MCM3: variants seen among roughly 807,000 people sequenced by gnomAD.
MCM3 encodes minichromosome maintenance complex component 3.
MCM3 carries 59 observed loss-of-function variants against 91.3 expected under a neutral mutation model. The observed-to-expected ratio is 0.65, with a 90% CI of 0.52 to 0.80. The LOEUF (loss-of-function observed/expected upper bound fraction) is 0.80, where lower values mean the gene tolerates loss of function less well. MCM3 is among the 30% of genes least tolerant of loss of function. MCM3 has a pLI of 0.00. For missense variants in MCM3, 919 were observed against 1,035.4 expected (o/e 0.89, Z 1.54); for synonymous variants, 383 against 379.6 (o/e 1.01, Z -0.10).
At chr6:52,267,122 G>A (rs9474189) in intron 14 of MCM3, among the ~76,000 whole-genome samples, 5,864 of 91,258 alleles carry the variant, frequency 0.064, 424 homozygotes, top group African/African-American at 0.19. Context: ...TGAGACGGAC[G>A]GAGTCTCACT....
At chr6:52,273,698 T>C (rs757498334) in intron 10 of MCM3, 44 bp downstream of exon 10, 163 of 1,564,120 alleles carry the variant, frequency 1.0e-4, no homozygotes, top group Admixed American at 2.5e-4. Flanking sequence ...ACCATCTGTT[T>C]AGCGCCTTTC....
chr6:52,266,806 C>A, intron 14 of MCM3, 110 bp from the exon 15 acceptor site: 1 of 829,572 alleles, frequency 1.2e-6, no homozygotes, highest in Non-Finnish European at 2.1e-6. Flanking sequence ...ACCACTAAGT[C>A]AAAGTGAAGC....
rs1256746660 is a variant in MCM3, at chr6:52,278,773, T to C, written c.848A>G (p.Lys283Arg). The change falls in exon 6 of 17, where the codon AAG becomes AGG. Residue 283 changes from lysine to arginine, a missense_variant. This residue lies in a region of MCM3 where 401 missense variants were observed against 402.7 expected (regional missense o/e 1.00). Coordinates refer to ENST00000596288, the MANE Select transcript of MCM3 (RefSeq NM_002388.6). ...TCGGGTTTTACTGAACTTCTTGATC[T>C]TGGCTATATCCTCAGCAGAGAAAGA... ...QPSFSAEDIA[K>R]IKKFSKTRSK... is the part of the protein sequence containing the mutation. 6.2e-7 allele frequency: 1 copy of C among 1,613,742 alleles called. No individual in the cohort carries two copies. The highest frequency in any genetic ancestry group is 8.5e-7 in the Non-Finnish European group (1 of 1,179,836).
intron 14 of MCM3, among the ~76,000 whole-genome samples, chr6:52,267,467 A>G (rs1764733667): frequency 6.6e-6 from 1 of 151,294 alleles, no homozygotes; most frequent in African/African-American, 2.4e-5. Flanking sequence ...GACATCAATA[A>G]GCAGCGCTGG....
At position 52,272,373 on chromosome 6, in the gene MCM3, C is replaced by T. The variant is rs764209543; in HGVS notation, c.1755G>A (p.Glu585=). Residue 585 remains glutamate (E), a synonymous_variant, in exon 12 of 17, where the codon GAG becomes GAA. Coordinates refer to ENST00000596288, the MANE Select transcript of MCM3 (RefSeq NM_002388.6). ...ACTCTTCTGCAATGTAGGTGGCCGACTCCTGTGTCAGGACAGGCTTGATGA... is the reference window on the plus strand; with the variant it reads ...ACTCTTCTGCAATGTAGGTGGCCGATTCCTGTGTCAGGACAGGCTTGATGA... ...AKIIKPVLTQ[E]SATYIAEEYS... is the part of the protein sequence containing the mutation. 4 of 1,614,182 alleles carry T rather than the reference C, an allele frequency of 2.5e-6. No homozygotes were observed. The highest frequency in any genetic ancestry group is 2.5e-6 in the Non-Finnish European group (3 of 1,180,034).
At position 52,278,789 on chromosome 6, in the gene MCM3, C is replaced by T. The variant is rs775943986; in HGVS notation, c.832G>A (p.Ala278Thr). Residue 278 changes from alanine (A) to threonine (T), a missense_variant, in exon 6 of 17, where the codon GCT becomes ACT. Around this residue, in one of 3 missense-constraint regions of MCM3, gnomAD observed 401 missense variants for 402.7 expected, o/e 1.00. Transcript: ENST00000596288. The stretch of plus-strand genomic sequence containing the variant: ...TTCTTGATCTTGGCTATATCCTCAG[C>T]AGAGAAAGAGGGCTGAGCATCCTTG... The part of the protein sequence containing the change: ...MSKDAQPSFS[A>T]EDIAKIKKFS... 1.1e-5 allele frequency: 17 copies of T among 1,613,892 alleles called. No individual in the cohort carries two copies. Among genetic ancestry groups the T allele is most frequent in the Middle Eastern group, 3.3e-4 (2 of 6,084 alleles).
chr6:52,282,979 C>G lies in MCM3; in HGVS notation c.192-118G>C, dbSNP rs1006540477. ...AATGAGAAAATCCAGCTTCTGCTTT[C>G]TCCTATAAGTCTCAGTAAAACACCA... On this transcript the variant is annotated intron_variant, in intron 2 of 16. Coordinates refer to ENST00000596288, the MANE Select transcript of MCM3 (RefSeq NM_002388.6). The G allele has an allele frequency of 5.4e-6, 4 of 746,782 alleles. No homozygotes were observed. In the African/African-American group the frequency reaches 7.1e-5, roughly 13 times the overall value. 46.3% of individuals were successfully genotyped at this position (746,782 alleles called of 1,614,324 possible). A position where few individuals can be genotyped will look rare whatever the true frequency, so the allele number is the denominator to read the frequency against.
Position 52,277,045 on chromosome 6 carries a change from C to T in MCM3, c.1165+22G>A, listed in dbSNP as rs767673711. ...GCTCAGGCTCTCTGCTGGGCCTTTG[C>T]CAAGGACCCTTACACCCTTACCTGT... On this transcript the variant is annotated intron_variant, in intron 8 of 16. Coordinates refer to ENST00000596288, the MANE Select transcript of MCM3 (RefSeq NM_002388.6). The T allele has an allele frequency of 3.7e-6, 6 of 1,605,520 alleles. No homozygotes were observed. In the Admixed American group the frequency reaches 8.4e-5, roughly 22 times the overall value.
intron 12 of MCM3, among the ~76,000 whole-genome samples, chr6:52,270,346 G>GAA (rs77109652): frequency 7.5e-6 from 1 of 133,554 alleles, no homozygotes; most frequent in African/African-American, 2.8e-5. Flanking sequence ...AAAAAAAAAA[G>GAA]AAAAAAAAAG....
At position 52,284,702 on chromosome 6, in the gene MCM3, A is replaced by G. The variant is rs772406349; in HGVS notation, c.-28T>C. ...CCGCTGCCAAAGAACTACCTCCACC[A>G]AAGTCGCGTGGAGGTTCCCAGGATG... On this transcript the variant is annotated 5_prime_UTR_variant, in exon 1 of 17. Coordinates refer to ENST00000596288, the MANE Select transcript of MCM3 (RefSeq NM_002388.6). 1 of 1,595,516 alleles carries G rather than the reference A, an allele frequency of 6.3e-7. No homozygotes were observed. The highest frequency in any genetic ancestry group is 8.5e-7 in the Non-Finnish European group (1 of 1,172,416).
chr6:52,276,131 C>CA, intron 9 of MCM3, 137 bp downstream of exon 9: 1 of 746,910 alleles, frequency 1.3e-6, no homozygotes, highest in Non-Finnish European at 2.2e-6. Flanking sequence ...AAACAAAGGA[C>CA]AATAACAAGA....
chr6:52,281,510 T>C lies in MCM3; in HGVS notation c.531+535A>G, dbSNP rs374079966. Among the ~76,000 whole-genome samples, 4 of 151,706 alleles carry C rather than the reference T, an allele frequency of 2.6e-5. No individual in the cohort carries two copies. In the East Asian group the frequency reaches 5.8e-4, roughly 22 times the overall value. ...GGGCAACATAGCGAGACCCTGTCTC[T>C]AGAAAAAAGTGAAAAAAAAAATTAG... On this transcript the variant is annotated intron_variant, in intron 4 of 16. Transcript: ENST00000596288.
intron 11 of MCM3, 133 bp from the exon 12 acceptor site, chr6:52,272,584 G>C: frequency 1.3e-6 from 1 of 790,382 alleles, no homozygotes; most frequent in Non-Finnish European, 2.0e-6. Flanking sequence ...CATTTATATG[G>C]AACATAGACA....
Position 52,281,608 on chromosome 6 carries a change from A to G in MCM3, c.531+437T>C, listed in dbSNP as rs115323228. Among the ~76,000 whole-genome samples the G allele has an allele frequency of 6.8e-3, 1,034 of 152,196 alleles. 14 individuals are homozygous for G. The highest frequency in any genetic ancestry group is 0.023 in the African/African-American group (954 of 41,530). ...GGTGAGAAGATTCGTTGAGTCCAGG[A>G]GTTTCAGGCTGCAGTGTTCTATAAT... is the stretch of plus-strand genomic sequence containing the variant. On this transcript the variant is annotated intron_variant, in intron 4 of 16. Coordinates refer to ENST00000596288, the MANE Select transcript of MCM3 (RefSeq NM_002388.6).
chr6:52,273,107 G>C, intron 11 of MCM3, 123 bp downstream of exon 11: 2 of 1,126,688 alleles, frequency 1.8e-6, no homozygotes, highest in Non-Finnish European at 1.3e-6. Context: ...AATCCACGTG[G>C]TTATGACTCC....
intron 13 of MCM3, 83 bp downstream of exon 13, chr6:52,269,003 C>CCAT (rs1764869338): frequency 1.4e-6 from 2 of 1,426,756 alleles, no homozygotes; most frequent in African/African-American, 2.8e-5. Flanking sequence ...CAAATGTAGC[C>CCAT]GTCAGCCACG....
chr6:52,282,788 C>T lies in MCM3; in HGVS notation c.265G>A (p.Ala89Thr). 1 of 1,614,114 alleles carries T rather than the reference C, an allele frequency of 6.2e-7. No individual in the cohort carries two copies. Among genetic ancestry groups the T allele is most frequent in the Non-Finnish European group, 8.5e-7 (1 of 1,180,034 alleles). Reference sequence around the variant, plus strand: ...TCCTCATACTGCTTGGCATAGGTAGCATCAATGGAGGCCACAAAATCCTTT... The same window carrying T: ...TCCTCATACTGCTTGGCATAGGTAGTATCAATGGAGGCCACAAAATCCTTT... ...ALKDFVASID[A>T]TYAKQYEEFY... is the part of the protein sequence containing the mutation. The change falls in exon 3 of 17, where the codon GCT (alanine) becomes ACT (threonine). Residue 89 changes from alanine to threonine, a missense_variant. Ala to Thr is a moderately conservative substitution (Grantham distance 58, BLOSUM62 0). Coordinates refer to ENST00000596288, the MANE Select transcript of MCM3 (RefSeq NM_002388.6).
chr6:52,281,522 A>G (rs1009364654), intron 4 of MCM3, among the ~76,000 whole-genome samples: 61 of 150,016 alleles, frequency 4.1e-4, no homozygotes, highest in African/African-American at 1.5e-3. Context: ...GAAAAAAGTG[A>G]AAAAAAAAAT....
intron 10 of MCM3, 146 bp from the exon 11 acceptor site, chr6:52,273,502 A>G (rs1423766290): frequency 1.1e-6 from 1 of 871,226 alleles, no homozygotes; most frequent in Non-Finnish European, 1.7e-6. Flanking sequence ...CCACAAATAA[A>G]GATAGTGGAA....
Sources: gnomAD v4.1 joint callset for allele counts (sites outside exome capture counted in the v4.1 genomes callset) on GRCh38, gnomAD v4.1.1 for gene constraint, gnomAD v4.1.1 regional missense constraint, MANE v1.5 for transcripts, NCBI Gene and HGNC (gene_info 2026-07-23, HGNC 2026-07-21) for gene names.